C8orf34: variants seen among roughly 807,000 people sequenced by gnomAD.
C8orf34 encodes uncharacterized protein C8orf34.
Under a neutral mutation model 68.3 loss-of-function variants are expected in C8orf34, and 65 were observed. The observed-to-expected ratio is 0.95, with a 90% confidence interval of 0.78 to 1.17. The LOEUF is 1.17. Ranked by LOEUF, C8orf34 falls within the 50% of genes most tolerant of loss-of-function variation. The probability of loss-of-function intolerance (pLI) is 0.00; values close to 1 mark genes in which losing one functional copy is unlikely to be tolerated. For missense variants in C8orf34, 664 were observed against 655.4 expected, an observed-to-expected ratio of 1.01 and a Z score of -0.14; for synonymous variants, 244 against 241.2, an observed-to-expected ratio of 1.01 and a Z score of -0.11.
chr8:68,752,758 C>T (rs760652851), intron 10 of C8orf34, among the ~76,000 whole-genome samples: 1 of 152,158 alleles, frequency 6.6e-6, no homozygotes, highest in Non-Finnish European at 1.5e-5. Flanking sequence ...TGGTATTTTC[C>T]GACTTGAATT....
chr8:68,343,876 G>A (rs1353498454), intron 1 of C8orf34, among the ~76,000 whole-genome samples: 1 of 152,106 alleles, frequency 6.6e-6, no homozygotes, highest in African/African-American at 2.4e-5. Flanking sequence ...ACAGGCGTGA[G>A]CCACCATGCC....
intron 4 of C8orf34, among the ~76,000 whole-genome samples, chr8:68,477,351 G>C (rs1812663703): frequency 6.6e-6 from 1 of 152,226 alleles, no homozygotes; most frequent in Admixed American, 6.5e-5. Context: ...GGACAGAGTT[G>C]ACATGGCCCA....
chr8:68,405,097 G>T (rs945732154), intron 1 of C8orf34, among the ~76,000 whole-genome samples: 1 of 152,104 alleles, frequency 6.6e-6, no homozygotes, highest in Non-Finnish European at 1.5e-5. Flanking sequence ...CTTGTATGTT[G>T]TATTCCTAGG....
intron 1 of C8orf34, among the ~76,000 whole-genome samples, chr8:68,393,675 A>G (rs982614220): frequency 1.3e-5 from 2 of 152,186 alleles, no homozygotes; most frequent in African/African-American, 4.8e-5. Flanking sequence ...ACAAGCGATG[A>G]AATTAGAGAA....
At chr8:68,546,766 A>C (rs1238326390) in intron 7 of C8orf34, among the ~76,000 whole-genome samples, 5 of 151,840 alleles carry the variant, frequency 3.3e-5, no homozygotes, top group Non-Finnish European at 7.4e-5. Context: ...AACATGATTA[A>C]ATTAGAAATC....
rs1488446281 is a variant in C8orf34 at position 68,446,506 on chromosome 8, A to C, written c.607+46A>C. ...AATGCTATTCAAAGCATGTAAGTTT[A>C]TGTTGTTAAGAAAATGAAGAAAAGG... is the stretch of plus-strand genomic sequence containing the variant. On this transcript the variant is annotated intron_variant, in intron 3 of 13. Coordinates refer to ENST00000518698, the MANE Select transcript of C8orf34 (RefSeq NM_052958.4). 11 of 1,561,870 alleles carry C rather than the reference A, an allele frequency of 7.0e-6. No individual in the cohort carries two copies. The South Asian group carries it at 1.3e-4, about 19-fold the overall frequency.
intron 7 of C8orf34, among the ~76,000 whole-genome samples, chr8:68,551,035 C>G (rs933785155): frequency 1.3e-5 from 2 of 151,740 alleles, no homozygotes; most frequent in Non-Finnish European, 2.9e-5. Flanking sequence ...CTTCTTGGAT[C>G]TGTGGCTTCG....
In C8orf34 at chr8:68,567,577, CTTTTTTTTTTTTTTTT is replaced by C. The variant is rs1160845483; in HGVS notation, c.1105+34448_1105+34463del. Among the ~76,000 whole-genome samples, 20 of 29,794 alleles carry C rather than the reference CTTTTTTTTTTTTTTTT, an allele frequency of 6.7e-4. 1 individual carries two copies. The East Asian group carries it at 9.3e-3, about 14-fold the overall frequency. The allele number at this position is 29,794 out of a possible 152,430, so 19.5% of individuals were successfully genotyped here. A position where few individuals can be genotyped will look rare whatever the true frequency, so the allele number is the denominator to read the frequency against. On this transcript the variant is annotated intron_variant, in intron 7 of 13. Transcript: ENST00000518698. ...TCTTTTCAAATTTTGTTTCATTTATCTTTTTTTTTTTTTTTTTTTTTTTTTTTTTTTTTTTGAGGAG... is the reference window on the plus strand; with the variant it reads ...TCTTTTCAAATTTTGTTTCATTTATCTTTTTTTTTTTTTTTTTTTGAGGAG...
Position 68,794,972 on chromosome 8 carries a change from T to A in C8orf34, c.1549+7436T>A, listed in dbSNP as rs181645664. Among the ~76,000 whole-genome samples the A allele has an allele frequency of 3.9e-5, 6 of 152,318 alleles. No homozygotes were observed. In the East Asian group the frequency reaches 1.2e-3, roughly 29 times the overall value. ...GATACTCTGTATATGTATATTCATA[T>A]ACTCTATAGGTAACTGTTAATTTTT... On this transcript the variant is annotated intron_variant, in intron 12 of 13. Coordinates refer to ENST00000518698, the MANE Select transcript of C8orf34 (RefSeq NM_052958.4).
At chr8:68,365,105 A>T (rs1323818497) in intron 1 of C8orf34, among the ~76,000 whole-genome samples, 17 of 147,348 alleles carry the variant, frequency 1.2e-4, no homozygotes, top group East Asian at 6.5e-4. Context: ...CCATCAGAGA[A>T]TACTACAAAC....
At chr8:68,564,494 C>T (rs1327653650) in intron 7 of C8orf34, among the ~76,000 whole-genome samples, 1 of 152,120 alleles carries the variant, frequency 6.6e-6, no homozygotes, top group Non-Finnish European at 1.5e-5. Context: ...GATATTGCAC[C>T]CTTTTTGCAT....
At position 68,356,264 on chromosome 8, in the gene C8orf34, C is replaced by G. The variant is rs1379641735; in HGVS notation, c.327+24925C>G. ...GGGAGACTTTATTTTCTGGAAAATT[C>G]ATTCAGACTTGGATATCTTTTCAAC... On this transcript the variant is annotated intron_variant, in intron 1 of 13. Coordinates refer to ENST00000518698, the MANE Select transcript of C8orf34 (RefSeq NM_052958.4). Among the ~76,000 whole-genome samples the G allele has an allele frequency of 2.6e-5, 4 of 152,092 alleles. No homozygotes were observed. The East Asian group carries it at 7.7e-4, about 29-fold the overall frequency.
At chr8:68,710,310 C>T (rs1378294843) in intron 9 of C8orf34, among the ~76,000 whole-genome samples, 1 of 152,134 alleles carries the variant, frequency 6.6e-6, no homozygotes, top group Non-Finnish European at 1.5e-5. Context: ...TTTTTGCTTT[C>T]TAGATGAGGA....
intron 7 of C8orf34, chr8:68,534,276 T>C: frequency 1.0e-6 from 1 of 985,410 alleles, no homozygotes; most frequent in South Asian, 4.7e-5. Flanking sequence ...TGTTGGTCCC[T>C]TCCAATTGGG....
At chr8:68,461,462 G>A (rs1811821693) in intron 3 of C8orf34, among the ~76,000 whole-genome samples, 1 of 152,156 alleles carries the variant, frequency 6.6e-6, no homozygotes, top group Non-Finnish European at 1.5e-5. Context: ...TATTCCTCGA[G>A]AAGAGCAACT....
At position 68,457,883 on chromosome 8, in the gene C8orf34, T is replaced by C. The variant is rs189033123; in HGVS notation, c.608-10809T>C. ...GGATATTTTTTAAAACATTTTTAAA[T>C]GTTAACCCTTTACTTTTTAGTGTAG... is the stretch of plus-strand genomic sequence containing the variant. On this transcript the variant is annotated intron_variant, in intron 3 of 13. Transcript: ENST00000518698. 3.2e-4 allele frequency among the ~76,000 whole-genome samples: 48 copies of C among 152,298 alleles called. 1 individual carries two copies. In the East Asian group the frequency reaches 8.9e-3, roughly 28 times the overall value.
chr8:68,354,748 A>G (rs1806674776), intron 1 of C8orf34, among the ~76,000 whole-genome samples: 1 of 152,092 alleles, frequency 6.6e-6, no homozygotes, highest in South Asian at 2.1e-4. Flanking sequence ...GACAAAAGAT[A>G]TTTGGTCATA....
At chr8:68,496,216 T>C (rs1813515779) in intron 5 of C8orf34, among the ~76,000 whole-genome samples, 1 of 152,208 alleles carries the variant, frequency 6.6e-6, no homozygotes, top group Admixed American at 6.5e-5. Context: ...TGTAATAGAC[T>C]CAATAGACAG....
At chr8:68,610,609 C>A (rs763680845) in intron 7 of C8orf34, among the ~76,000 whole-genome samples, 2 of 152,028 alleles carry the variant, frequency 1.3e-5, no homozygotes, top group African/African-American at 2.4e-5. Context: ...ATCTACTAAG[C>A]TTTAGGAAGT....
Sources: gnomAD v4.1 joint callset for allele counts (sites outside exome capture counted in the v4.1 genomes callset) on GRCh38, gnomAD v4.1.1 for gene constraint, MANE v1.5 for transcripts, NCBI Gene and HGNC (gene_info 2026-07-23, HGNC 2026-07-21) for gene names.